Variants in NRF1 observed in about 807,000 individuals in gnomAD.
The protein encoded by NRF1 is nuclear respiratory factor 1, also known as alpha palindromic-binding protein.
Under a neutral mutation model 58.5 loss-of-function variants are expected in NRF1, and 5 were observed. That is an observed-to-expected ratio of 0.09 (90% CI 0.04 to 0.18). NRF1 has a LOEUF of 0.18. NRF1 is among the 10% of genes least tolerant of loss of function. The pLI is 1.00. For missense variants in NRF1, 288 were observed against 657.7 expected, an observed-to-expected ratio of 0.44 and a Z score of 6.15; for synonymous variants, 224 against 246.7, an observed-to-expected ratio of 0.91 and a Z score of 0.86.
chr7:129,728,875 G>A (rs1803514672), intron 10 of NRF1, among the ~76,000 whole-genome samples: 1 of 152,202 alleles, frequency 6.6e-6, no homozygotes, highest in African/African-American at 2.4e-5. Context: ...CAACCAGAAT[G>A]CTGTAGGACA....
At chr7:129,664,230 C>T (rs1801870662) in intron 2 of NRF1, among the ~76,000 whole-genome samples, 1 of 152,122 alleles carries the variant, frequency 6.6e-6, no homozygotes, top group Admixed American at 6.5e-5. Flanking sequence ...TACTAAATGA[C>T]TTAAAGCTGG....
intron 4 of NRF1, among the ~76,000 whole-genome samples, chr7:129,686,841 CA>C (rs754110395): frequency 9.2e-5 from 14 of 152,210 alleles, no homozygotes; most frequent in Non-Finnish European, 1.8e-4. Context: ...GAATAGGAGG[CA>C]TAAGTTGGAA....
At chr7:129,664,883 G>A (rs1488152594) in intron 2 of NRF1, among the ~76,000 whole-genome samples, 1 of 152,226 alleles carries the variant, frequency 6.6e-6, no homozygotes, top group Non-Finnish European at 1.5e-5. Context: ...CTTCTTAGGA[G>A]TGCGAAAGGC....
intron 9 of NRF1, among the ~76,000 whole-genome samples, chr7:129,718,404 T>C (rs1227194544): frequency 6.6e-6 from 1 of 152,206 alleles, no homozygotes; most frequent in Admixed American, 6.6e-5. Flanking sequence ...TTATGAGAAC[T>C]GAATTACTCC....
intron 9 of NRF1, among the ~76,000 whole-genome samples, chr7:129,726,403 A>T (rs1452135155): frequency 6.6e-6 from 1 of 152,232 alleles, no homozygotes; most frequent in Non-Finnish European, 1.5e-5. Context: ...ATGGGTATTT[A>T]TGCACATAGT....
At chr7:129,684,340 T>C (rs1802398110) in intron 4 of NRF1, among the ~76,000 whole-genome samples, 1 of 152,122 alleles carries the variant, frequency 6.6e-6, no homozygotes. Context: ...CAAGAAGAGA[T>C]TGAAAATTGT....
At chr7:129,697,023 AG>A (rs1197810895) in intron 5 of NRF1, among the ~76,000 whole-genome samples, 1 of 152,182 alleles carries the variant, frequency 6.6e-6, no homozygotes, top group African/African-American at 2.4e-5. Context: ...TGAAAACTAA[AG>A]CATCACACCA....
In NRF1 at chr7:129,748,056, A is replaced by G. The variant is rs183544590; in HGVS notation, c.1349-6962A>G. Among the ~76,000 whole-genome samples the G allele has an allele frequency of 7.9e-5, 12 of 152,196 alleles. No individual in the cohort carries two copies. The East Asian group carries it at 2.1e-3, about 27-fold the overall frequency. ...TTTGGGAGGCCGAGGCAGGTGAATCACGAGGTCAGGAGTTCAAGACCAGCC... is the reference window on the plus strand; with the variant it reads ...TTTGGGAGGCCGAGGCAGGTGAATCGCGAGGTCAGGAGTTCAAGACCAGCC... On this transcript the variant is annotated intron_variant, in intron 10 of 10. Coordinates refer to ENST00000393232, the MANE Select transcript of NRF1 (RefSeq NM_005011.5).
chr7:129,635,239 A>C (rs1348756897), intron 1 of NRF1, among the ~76,000 whole-genome samples: 1 of 152,200 alleles, frequency 6.6e-6, no homozygotes, highest in Admixed American at 6.5e-5. Context: ...CGTTAATAAA[A>C]CTTGCTTTCC....
At chr7:129,629,502 T>C (rs970929243) in intron 1 of NRF1, among the ~76,000 whole-genome samples, 3 of 151,998 alleles carry the variant, frequency 2.0e-5, no homozygotes, top group Non-Finnish European at 4.4e-5. Context: ...CTCAAACTCC[T>C]GACCTCAGGT....
At chr7:129,658,213 A>T (rs1189871549) in intron 2 of NRF1, among the ~76,000 whole-genome samples, 3 of 151,158 alleles carry the variant, frequency 2.0e-5, no homozygotes, top group African/African-American at 7.3e-5. Flanking sequence ...GTATTTTTTC[A>T]TTTTTTTCTT....
At chr7:129,731,377 G>A (rs1251449902) in intron 10 of NRF1, among the ~76,000 whole-genome samples, 1 of 151,794 alleles carries the variant, frequency 6.6e-6, no homozygotes, top group Non-Finnish European at 1.5e-5. Context: ...TGCGCACCCT[G>A]AAGACTTCTT....
chr7:129,663,362 A>T (rs1481243739), intron 2 of NRF1, among the ~76,000 whole-genome samples: 1 of 141,574 alleles, frequency 7.1e-6, no homozygotes. Flanking sequence ...GGCGCACCTC[A>T]CTTCCCAGAC....
At chr7:129,682,630 TAAA>T (rs771494622) in intron 4 of NRF1, among the ~76,000 whole-genome samples, 38 of 87,860 alleles carry the variant, frequency 4.3e-4, no homozygotes, top group Admixed American at 8.8e-4. Context: ...CAAAAAAATG[TAAA>T]AAAAAAAAAA....
chr7:129,752,831 T>C (rs1198704094), intron 10 of NRF1, among the ~76,000 whole-genome samples: 1 of 152,264 alleles, frequency 6.6e-6, no homozygotes, highest in African/African-American at 2.4e-5. Context: ...CACAGTTTTG[T>C]AGGCCAAGGC....
chr7:129,613,288 G>A (rs1800583085), intron 1 of NRF1, among the ~76,000 whole-genome samples: 1 of 152,090 alleles, frequency 6.6e-6, no homozygotes, highest in Admixed American at 6.5e-5. Context: ...TCTTGGAGAT[G>A]CTGTTTGTGT....
intron 10 of NRF1, among the ~76,000 whole-genome samples, chr7:129,734,082 A>G (rs1021261630): frequency 5.3e-5 from 8 of 152,184 alleles, no homozygotes; most frequent in African/African-American, 1.9e-4. Context: ...TCTCTGACCT[A>G]GGACATCAAC....
intron 1 of NRF1, among the ~76,000 whole-genome samples, chr7:129,616,896 T>TA (rs1477944053): frequency 2.0e-5 from 3 of 152,162 alleles, no homozygotes; most frequent in South Asian, 4.1e-4. Flanking sequence ...ATGATACTAG[T>TA]AAAATAATCT....
At chr7:129,658,516 A>T (rs2151076279) in intron 2 of NRF1, among the ~76,000 whole-genome samples, 1 of 151,448 alleles carries the variant, frequency 6.6e-6, no homozygotes, top group East Asian at 2.0e-4. Flanking sequence ...ACTTGAGCCC[A>T]GGTGTTTGAG....
Sources: gnomAD v4.1 joint callset for allele counts (sites outside exome capture counted in the v4.1 genomes callset) on GRCh38, gnomAD v4.1.1 for gene constraint, MANE v1.5 for transcripts, NCBI Gene and HGNC (gene_info 2026-07-23, HGNC 2026-07-21) for gene names.